The following AUTS2 variants were observed in gnomAD, a reference collection of about 807,000 sequenced individuals.
AUTS2 encodes the protein autism susceptibility gene 2 protein.
Under a neutral mutation model 112.4 loss-of-function variants are expected in AUTS2, and 17 were observed. The ratio of observed to expected loss-of-function variants is 0.15; its 90% CI spans 0.10 to 0.23. The LOEUF is 0.23. AUTS2 is among the 10% of genes least tolerant of loss of function. The probability of loss-of-function intolerance (pLI) is 1.00; values close to 1 mark genes in which losing one functional copy is unlikely to be tolerated. For missense variants in AUTS2, 1,510 were observed against 1,701.6 expected (o/e 0.89, Z 1.98); for synonymous variants, 751 against 702.7 (o/e 1.07, Z -1.09).
chr7:69,774,176 G>A (rs1253952645), intron 1 of AUTS2, among the ~76,000 whole-genome samples: 2 of 152,178 alleles, frequency 1.3e-5, no homozygotes, highest in Admixed American at 1.3e-4. Context: ...ACTTTGGGAG[G>A]CCAGGCAGGA....
intron 2 of AUTS2, among the ~76,000 whole-genome samples, chr7:70,114,650 G>A (rs1161771080): frequency 6.6e-6 from 1 of 152,066 alleles, no homozygotes; most frequent in African/African-American, 2.4e-5. Context: ...AAATCAGCTG[G>A]GCGTGGTGGC....
At chr7:69,833,466 C>A (rs980609994) in intron 1 of AUTS2, among the ~76,000 whole-genome samples, 1 of 151,938 alleles carries the variant, frequency 6.6e-6, no homozygotes, top group African/African-American at 2.4e-5. Context: ...GATGGAGTCT[C>A]ACTCTGTTGC....
At chr7:70,533,868 C>T (rs887608875) in intron 5 of AUTS2, among the ~76,000 whole-genome samples, 3 of 152,192 alleles carry the variant, frequency 2.0e-5, no homozygotes, top group African/African-American at 7.2e-5. Flanking sequence ...GTGGGAGTGG[C>T]AGGCAAGCTT....
intron 4 of AUTS2, among the ~76,000 whole-genome samples, chr7:70,297,842 A>T (rs1269797300): frequency 6.6e-6 from 1 of 152,210 alleles, no homozygotes; most frequent in Non-Finnish European, 1.5e-5. Context: ...ATATTTTCAC[A>T]GACAAAACAT....
At chr7:70,709,449 G>A (rs982299173) in intron 6 of AUTS2, among the ~76,000 whole-genome samples, 4 of 152,042 alleles carry the variant, frequency 2.6e-5, no homozygotes, top group African/African-American at 7.2e-5. Context: ...AGTGGCTCAC[G>A]CCTATAATCC....
rs553402829 is a variant in AUTS2, at chr7:70,627,536, C to T, written c.691-71033C>T. ...AGTTGAGAACTACTAACCCAGTCTT[C>T]GGGTATTAATCAGCACCAGCTCATT... On this transcript the variant is annotated intron_variant, in intron 5 of 18. Coordinates refer to ENST00000342771, the MANE Select transcript of AUTS2 (RefSeq NM_015570.4). 5.9e-5 allele frequency among the ~76,000 whole-genome samples: 9 copies of T among 152,306 alleles called. No individual in the cohort carries two copies. In the East Asian group the frequency reaches 7.7e-4, roughly 13 times the overall value.
At chr7:70,442,468 T>C (rs547741626) in intron 5 of AUTS2, among the ~76,000 whole-genome samples, 12 of 152,292 alleles carry the variant, frequency 7.9e-5, no homozygotes, top group Non-Finnish European at 1.2e-4. Context: ...TTATGGTTCT[T>C]GGCTGAGTCT....
At chr7:70,360,628 T>C (rs570950540) in intron 4 of AUTS2, among the ~76,000 whole-genome samples, 1 of 152,208 alleles carries the variant, frequency 6.6e-6, no homozygotes, top group South Asian at 2.1e-4. Flanking sequence ...GGACTAATTT[T>C]ACATAATCTT....
Position 70,526,060 on chromosome 7 carries a change from A to C in AUTS2, c.690+90279A>C, listed in dbSNP as rs376868589. On this transcript the variant is annotated intron_variant, in intron 5 of 18. Coordinates refer to ENST00000342771, the MANE Select transcript of AUTS2 (RefSeq NM_015570.4). ...TCTGAATCCTACCTAGAGAAAAAAA[A>C]ATAACCCACACAATTCTCGCTGTCT... Among the ~76,000 whole-genome samples the C allele has an allele frequency of 9.9e-5, 15 of 152,278 alleles. 2 individuals are homozygous for C. In the East Asian group the frequency reaches 1.7e-3, roughly 18 times the overall value.
At chr7:70,180,424 T>C (rs200638424) in intron 4 of AUTS2, among the ~76,000 whole-genome samples, 2 of 93,448 alleles carry the variant, frequency 2.1e-5, no homozygotes, top group Admixed American at 1.1e-4. Context: ...AATAAACACA[T>C]ACACACACAG....
intron 5 of AUTS2, among the ~76,000 whole-genome samples, chr7:70,654,358 A>G (rs1806660864): frequency 6.6e-6 from 1 of 152,234 alleles, no homozygotes; most frequent in African/African-American, 2.4e-5. Context: ...CAAAAAAGCT[A>G]TTGTAATACA....
intron 5 of AUTS2, among the ~76,000 whole-genome samples, chr7:70,473,750 C>G (rs1460439875): frequency 6.6e-6 from 1 of 151,024 alleles, no homozygotes; most frequent in African/African-American, 2.4e-5. Flanking sequence ...AAGCGCCCCC[C>G]AGATGATGCT....
intron 5 of AUTS2, among the ~76,000 whole-genome samples, chr7:70,496,859 A>G (rs1347403592): frequency 2.4e-5 from 3 of 126,982 alleles, no homozygotes; most frequent in Non-Finnish European, 4.9e-5. Flanking sequence ...TCACACACAC[A>G]CACACCCCAC....
chr7:69,599,778 G>A lies in AUTS2; in HGVS notation c.125G>A (p.Arg42Gln), dbSNP rs1320520023. The A allele has an allele frequency of 6.6e-7, 1 of 1,517,518 alleles. No individual in the cohort carries two copies. Among genetic ancestry groups the A allele is most frequent in the East Asian group, 2.8e-5 (1 of 36,268 alleles). 94.0% of individuals were successfully genotyped at this position (1,517,518 alleles called of 1,614,324 possible). A position where few individuals can be genotyped will look rare whatever the true frequency, so the allele number is the denominator to read the frequency against. The change falls in exon 1 of 19, where the codon CGG (arginine) becomes CAG (glutamine). Residue 42 changes from arginine to glutamine, a missense_variant. Coordinates refer to ENST00000342771, the MANE Select transcript of AUTS2 (RefSeq NM_015570.4). The surrounding 1 kb of genome is among the most constrained non-coding windows in gnomAD (Gnocchi z 7.0). The part of the protein sequence containing the change: ...AGAAGGGGAG[R>Q]TRALSLASSS... The stretch of plus-strand genomic sequence containing the variant: ...GCGGCCGGCGGCGGCGGGGCTGGCC[G>A]GACCCGGGCGCTCTCACTCGCCTCG...
intron 4 of AUTS2, among the ~76,000 whole-genome samples, chr7:70,300,928 C>T (rs1389448400): frequency 6.6e-6 from 1 of 152,138 alleles, no homozygotes; most frequent in Non-Finnish European, 1.5e-5. Context: ...GTTTAACTGG[C>T]TCTAAAGGCA....
At chr7:70,411,737 C>G (rs1794784363) in intron 4 of AUTS2, among the ~76,000 whole-genome samples, 2 of 151,994 alleles carry the variant, frequency 1.3e-5, no homozygotes, top group South Asian at 4.2e-4. Flanking sequence ...TTATTGGGAA[C>G]CTACTATGTG....
intron 4 of AUTS2, among the ~76,000 whole-genome samples, chr7:70,296,679 T>C (rs1308096880): frequency 1.3e-5 from 2 of 152,188 alleles, no homozygotes; most frequent in Admixed American, 6.5e-5. Flanking sequence ...TTGTTTCTGA[T>C]TTTTCACCCT....
chr7:70,018,861 CAA>C (rs1800147814), intron 2 of AUTS2, among the ~76,000 whole-genome samples: 1 of 152,226 alleles, frequency 6.6e-6, no homozygotes, highest in Admixed American at 6.5e-5. Context: ...GTCAATTTTT[CAA>C]AGACCTAAAA....
At chr7:69,658,789 A>C (rs1795661775) in intron 1 of AUTS2, among the ~76,000 whole-genome samples, 1 of 152,246 alleles carries the variant, frequency 6.6e-6, no homozygotes, top group South Asian at 2.1e-4. Flanking sequence ...GTTCATTACC[A>C]GGGAAATTCA....
Sources: gnomAD v4.1 joint callset for allele counts (sites outside exome capture counted in the v4.1 genomes callset) on GRCh38, gnomAD v4.1.1 for gene constraint, Gnocchi (gnomAD v3.1) non-coding constraint, MANE v1.5 for transcripts, NCBI Gene and HGNC (gene_info 2026-07-23, HGNC 2026-07-21) for gene names.